The following CFAP53 variants were observed in gnomAD, a reference collection of about 807,000 sequenced individuals.
The protein encoded by CFAP53 is cilia- and flagella-associated protein 53.
Under a neutral mutation model 59.7 loss-of-function variants are expected in CFAP53, and 62 were observed. The ratio of observed to expected loss-of-function variants is 1.04; its 90% CI spans 0.85 to 1.28. The LOEUF (loss-of-function observed/expected upper bound fraction) is 1.28. CFAP53 is among the 50% of genes most tolerant of loss of function. The probability of loss-of-function intolerance (pLI) is 0.00; values close to 1 mark genes in which losing one functional copy is unlikely to be tolerated. For missense variants in CFAP53, 629 were observed against 615.6 expected (o/e 1.02, Z -0.23); for synonymous variants, 218 against 205.7 (o/e 1.06, Z -0.51).
chr18:50,227,391 A>G lies in CFAP53; in HGVS notation c.1535T>C (p.Leu512Pro), dbSNP rs1176694062. The change falls in exon 8 of 8, where the codon CTT becomes CCT. Residue 512 changes from leucine to proline, a missense_variant. By Grantham distance (98) the Leu-to-Pro change is moderately conservative. Transcript: ENST00000398545. ...HPMRKACPSK[L>P]PP Reference sequence around the variant, plus strand: ...TTGATGCTCACGGAACTACGGTGGAAGCTTACTGGGGCATGCCTTGCGCAT... The same window carrying G: ...TTGATGCTCACGGAACTACGGTGGAGGCTTACTGGGGCATGCCTTGCGCAT... 6 of 1,612,092 alleles carry G rather than the reference A, an allele frequency of 3.7e-6. No individual in the cohort carries two copies. The highest frequency in any genetic ancestry group is 5.1e-6 in the Non-Finnish European group (6 of 1,178,212).
chr18:50,264,028 T>C (rs769080946), intron 1 of CFAP53, among the ~76,000 whole-genome samples: 6 of 152,226 alleles, frequency 3.9e-5, no homozygotes, highest in Non-Finnish European at 7.3e-5. Context: ...AAAACAGATA[T>C]GTAATTCTAA....
intron 4 of CFAP53, 136 bp downstream of exon 4, chr18:50,251,345 A>T (rs2033797124): frequency 1.3e-6 from 1 of 750,584 alleles, no homozygotes; most frequent in Non-Finnish European, 2.1e-6. Context: ...ATTATTAAAC[A>T]GCACTAAGAG....
At chr18:50,242,795 C>T (rs774573920) in intron 6 of CFAP53, 105 bp downstream of exon 6, 2 of 917,878 alleles carry the variant, frequency 2.2e-6, no homozygotes, top group Non-Finnish European at 3.4e-6. Flanking sequence ...TTTTTGCATC[C>T]CTCATGGTGT....
At chr18:50,247,081 AG>A (rs2144417164) in intron 5 of CFAP53, among the ~76,000 whole-genome samples, 4 of 152,252 alleles carry the variant, frequency 2.6e-5, no homozygotes, top group Middle Eastern at 6.8e-3. Context: ...CAATAATAAA[AG>A]GACCAATAAC....
At chr18:50,251,097 G>C (rs1014586271) in intron 4 of CFAP53, 121 bp from the exon 5 acceptor site, 4 of 830,534 alleles carry the variant, frequency 4.8e-6, no homozygotes, top group Admixed American at 4.8e-5. Context: ...TGGATTTAGA[G>C]AGGCTGTAAG....
intron 1 of CFAP53, among the ~76,000 whole-genome samples, chr18:50,262,734 GTA>G (rs1599133659): frequency 1.3e-5 from 2 of 152,022 alleles, no homozygotes; most frequent in African/African-American, 2.4e-5. Flanking sequence ...GTATATACAT[GTA>G]TATGTGTGTG....
Position 50,238,707 on chromosome 18 carries a change from T to G in CFAP53, c.1214-2A>C. The stretch of plus-strand genomic sequence containing the variant: ...CCTGTTCTTTAGCTTCTCGTTGCAC[T>G]AAGAAAAGCAAAAGTAATTATATGT... On this transcript the variant is annotated splice_acceptor_variant, in intron 6 of 7. Coordinates refer to ENST00000398545, the MANE Select transcript of CFAP53 (RefSeq NM_145020.5). LOFTEE classifies it high-confidence loss of function. The G allele has an allele frequency of 6.2e-7, 1 of 1,604,762 alleles. No homozygotes were observed. Among genetic ancestry groups the G allele is most frequent in the Non-Finnish European group, 8.5e-7 (1 of 1,174,144 alleles).
Position 50,250,994 on chromosome 18 carries a change from T to C in CFAP53, c.778-18A>G, listed in dbSNP as rs1279919226. On this transcript the variant is annotated intron_variant, in intron 4 of 7. Coordinates refer to ENST00000398545, the MANE Select transcript of CFAP53 (RefSeq NM_145020.5). ...TTACTTTCCTAAGGTAGAATCATAATAAAGATAATGCATCAGTACAGTTGG... is the reference window on the plus strand; with the variant it reads ...TTACTTTCCTAAGGTAGAATCATAACAAAGATAATGCATCAGTACAGTTGG... 1 of 1,591,876 alleles carries C rather than the reference T, an allele frequency of 6.3e-7. No individual in the cohort carries two copies. Among genetic ancestry groups the C allele is most frequent in the Non-Finnish European group, 8.6e-7 (1 of 1,160,574 alleles).
chr18:50,257,427 G>A (rs142760146), intron 3 of CFAP53, among the ~76,000 whole-genome samples: 1 of 152,232 alleles, frequency 6.6e-6, no homozygotes, highest in East Asian at 1.9e-4. Flanking sequence ...AAAGTTGCAG[G>A]ATACAAAATC....
At chr18:50,242,489 T>C (rs755962610) in intron 6 of CFAP53, among the ~76,000 whole-genome samples, 12 of 152,228 alleles carry the variant, frequency 7.9e-5, no homozygotes, top group Non-Finnish European at 1.5e-4. Flanking sequence ...TCACAATTTA[T>C]GTTCTTCTGC....
At chr18:50,260,305 A>G (rs879785504) in intron 3 of CFAP53, among the ~76,000 whole-genome samples, 8 of 152,188 alleles carry the variant, frequency 5.3e-5, no homozygotes, top group East Asian at 1.9e-4. Flanking sequence ...GAAGTGCCTT[A>G]TAAGTCCAGG....
chr18:50,243,188 A>C, intron 5 of CFAP53, 72 bp from the exon 6 acceptor site: 1 of 1,045,796 alleles, frequency 9.6e-7, no homozygotes, highest in South Asian at 1.4e-5. Flanking sequence ...ATTTAAAAAA[A>C]ATCTTTAAAA....
chr18:50,236,747 T>A (rs907020853), intron 7 of CFAP53, among the ~76,000 whole-genome samples: 1 of 152,162 alleles, frequency 6.6e-6, no homozygotes, highest in Non-Finnish European at 1.5e-5. Flanking sequence ...ATATATAGCC[T>A]CAGTCATGTG....
At chr18:50,241,275 T>C (rs2033687488) in intron 6 of CFAP53, among the ~76,000 whole-genome samples, 1 of 152,156 alleles carries the variant, frequency 6.6e-6, no homozygotes, top group South Asian at 2.1e-4. Context: ...GGAAAGATTC[T>C]CCAAACTTTG....
intron 5 of CFAP53, among the ~76,000 whole-genome samples, chr18:50,250,234 AAAAGAGAG>A (rs1568155991): frequency 2.1e-5 from 3 of 142,650 alleles, no homozygotes; most frequent in Admixed American, 6.9e-5. Context: ...AAAAAAAAAA[AAAAGAGAG>A]AGAGAGAGAG....
At chr18:50,231,812 A>T (rs1411138732) in intron 7 of CFAP53, among the ~76,000 whole-genome samples, 1 of 152,164 alleles carries the variant, frequency 6.6e-6, no homozygotes, top group East Asian at 1.9e-4. Context: ...TGGGTGACTC[A>T]GACACTCTTT....
intron 1 of CFAP53, among the ~76,000 whole-genome samples, chr18:50,264,656 C>T (rs979101185): frequency 6.6e-6 from 1 of 152,212 alleles, no homozygotes; most frequent in African/African-American, 2.4e-5. Flanking sequence ...TTTCTTATCA[C>T]ACTCAGACAC....
chr18:50,258,800 C>A (rs1473766041), intron 3 of CFAP53, among the ~76,000 whole-genome samples: 1 of 152,118 alleles, frequency 6.6e-6, no homozygotes, highest in Non-Finnish European at 1.5e-5. Context: ...CAAAAGATTT[C>A]AACAGACATT....
chr18:50,261,065 T>C lies in CFAP53; in HGVS notation c.472A>G (p.Arg158Gly), dbSNP rs886037751. ...TTGTGTGTTTTCTGATTTCATTACCTGAATTGCTGGTCTAGCTTTTCAGCC... is the reference window on the plus strand; with the variant it reads ...TTGTGTGTTTTCTGATTTCATTACCCGAATTGCTGGTCTAGCTTTTCAGCC... ...FVAEKLDQQF[R>G]ERCEELRVEL... The change falls in exon 3 of 8, where the codon AGG becomes GGG. Residue 158 changes from arginine to glycine, a missense_variant and splice_region_variant. Transcript: ENST00000398545. The C allele has an allele frequency of 7.5e-6, 12 of 1,591,896 alleles. No homozygotes were observed. The highest frequency in any genetic ancestry group is 1.4e-5 in the African/African-American group (1 of 73,262).
Sources: gnomAD v4.1 joint callset for allele counts (sites outside exome capture counted in the v4.1 genomes callset) on GRCh38, gnomAD v4.1.1 for gene constraint, MANE v1.5 for transcripts, NCBI Gene and HGNC (gene_info 2026-07-23, HGNC 2026-07-21) for gene names.